The following SEMA3A variants were observed in gnomAD, a reference collection of about 807,000 sequenced individuals.
SEMA3A encodes semaphorin 3A.
SEMA3A carries 29 observed loss-of-function variants against 97.9 expected under a neutral mutation model. The ratio of observed to expected loss-of-function variants is 0.30; its 90% CI spans 0.22 to 0.40. The LOEUF is 0.40. SEMA3A is among the 10% of genes least tolerant of loss of function. SEMA3A has a pLI of 1.00. For synonymous variants in SEMA3A, 321 were observed against 323.7 expected, an observed-to-expected ratio of 0.99 and a Z score of 0.09; for missense variants, 763 against 951.3, an observed-to-expected ratio of 0.80 and a Z score of 2.60.
intron 1 of SEMA3A, among the ~76,000 whole-genome samples, chr7:84,423,938 A>G (rs188439853): frequency 1.3e-3 from 198 of 152,156 alleles, no homozygotes; most frequent in African/African-American, 4.4e-3. Flanking sequence ...TAAAACCACA[A>G]TGAGATAACA....
chr7:83,971,969 C>A (rs927485733), intron 15 of SEMA3A, among the ~76,000 whole-genome samples: 12 of 151,534 alleles, frequency 7.9e-5, no homozygotes, highest in Admixed American at 1.3e-4. Context: ...AAGATGTGAA[C>A]TTAAAATTGG....
At chr7:84,253,237 T>A (rs899427742) in intron 3 of SEMA3A, among the ~76,000 whole-genome samples, 19 of 152,162 alleles carry the variant, frequency 1.2e-4, no homozygotes, top group Admixed American at 4.6e-4. Flanking sequence ...TGTAACTTTT[T>A]TATAACATTA....
intron 1 of SEMA3A, among the ~76,000 whole-genome samples, chr7:84,491,582 C>T (rs1276308386): frequency 6.6e-6 from 1 of 152,100 alleles, no homozygotes; most frequent in Non-Finnish European, 1.5e-5. Flanking sequence ...AAGTCCACCA[C>T]AGTTAGCCTG....
In SEMA3A at chr7:84,007,475, C is replaced by A. The variant is rs767607018; in HGVS notation, c.1018G>T (p.Val340Leu). 1 of 1,579,508 alleles carries A rather than the reference C, an allele frequency of 6.3e-7. No individual in the cohort carries two copies. Among genetic ancestry groups the A allele is most frequent in the Admixed American group, 1.8e-5 (1 of 55,650 alleles). Residue 340 changes from valine to leucine, a missense_variant, in exon 10 of 17, where the codon GTG (valine) becomes TTG (leucine). Physicochemically the swap from Val to Leu is conservative, Grantham distance 32 (BLOSUM62 1). This residue lies in a region of SEMA3A where 678 missense variants were observed against 881.3 expected (regional missense o/e 0.77). Coordinates refer to ENST00000265362, the MANE Select transcript of SEMA3A (RefSeq NM_006080.3). ...ACATCACTCATGCTATACATACACA[C>A]GGCTGATCCCTTGAAAATGTTACTG... ...TSSNIFKGSA[V>L]CMYSMSDVRR...
intron 4 of SEMA3A, among the ~76,000 whole-genome samples, chr7:84,082,853 T>C (rs781204018): frequency 1.3e-5 from 2 of 152,016 alleles, no homozygotes; most frequent in Non-Finnish European, 2.9e-5. Context: ...AGCCATCATA[T>C]ACACCTAAAA....
At chr7:84,450,127 T>A (rs1226153492) in intron 1 of SEMA3A, among the ~76,000 whole-genome samples, 1 of 152,076 alleles carries the variant, frequency 6.6e-6, no homozygotes, top group Admixed American at 6.5e-5. Context: ...CATAAGGTAG[T>A]TTTATATTTA....
intron 3 of SEMA3A, among the ~76,000 whole-genome samples, chr7:84,230,302 T>G (rs1799090099): frequency 1.3e-5 from 2 of 152,006 alleles, no homozygotes; most frequent in Admixed American, 1.3e-4. Flanking sequence ...ATATTTTACC[T>G]CATTATCATG....
chr7:84,055,663 T>C (rs1167813583), intron 5 of SEMA3A, among the ~76,000 whole-genome samples: 1 of 152,232 alleles, frequency 6.6e-6, no homozygotes, highest in Non-Finnish European at 1.5e-5. Context: ...ATCACCCGTC[T>C]TCTGCGTTGC....
At chr7:84,116,913 G>T (rs1316602916) in intron 3 of SEMA3A, among the ~76,000 whole-genome samples, 1 of 152,140 alleles carries the variant, frequency 6.6e-6, no homozygotes, top group Non-Finnish European at 1.5e-5. Flanking sequence ...TAAAAAGAAA[G>T]TGGGTAATTG....
chr7:84,409,685 T>A (rs1804207452), intron 1 of SEMA3A, among the ~76,000 whole-genome samples: 1 of 152,128 alleles, frequency 6.6e-6, no homozygotes, highest in Non-Finnish European at 1.5e-5. Context: ...TGTGTTTGAT[T>A]TAGTAGTTCC....
chr7:84,134,733 A>T (rs1399499450), intron 2 of SEMA3A, 61 bp downstream of exon 2: 1 of 1,250,522 alleles, frequency 8.0e-7, no homozygotes, highest in East Asian at 2.6e-5. Flanking sequence ...ATAGCTAGAG[A>T]ATTATCTATA....
intron 13 of SEMA3A, among the ~76,000 whole-genome samples, chr7:83,984,026 C>T (rs892647095): frequency 1.3e-5 from 2 of 152,096 alleles, no homozygotes; most frequent in Admixed American, 1.3e-4. Context: ...TTTCTTCTCT[C>T]ATGGTATTTT....
intron 4 of SEMA3A, among the ~76,000 whole-genome samples, chr7:84,065,858 G>C (rs893247323): frequency 0.012 from 1,894 of 151,782 alleles, 43 homozygotes; most frequent in African/African-American, 0.042. Flanking sequence ...GGAACTGGTA[G>C]CATTCCTTCT....
chr7:84,289,312 G>A (rs1487229136), intron 3 of SEMA3A, among the ~76,000 whole-genome samples: 1 of 152,064 alleles, frequency 6.6e-6, no homozygotes, highest in Non-Finnish European at 1.5e-5. Flanking sequence ...ACAGCACGGT[G>A]ACCACAGTTA....
chr7:84,014,790 A>G (rs1356893332), intron 6 of SEMA3A, among the ~76,000 whole-genome samples: 1 of 152,118 alleles, frequency 6.6e-6, no homozygotes, highest in African/African-American at 2.4e-5. Flanking sequence ...GAAAAGTGAA[A>G]TCCGTATAAA....
At chr7:84,309,916 A>G (rs975194241) in intron 2 of SEMA3A, among the ~76,000 whole-genome samples, 2 of 152,212 alleles carry the variant, frequency 1.3e-5, no homozygotes, top group Non-Finnish European at 2.9e-5. Context: ...ATGAAGATGT[A>G]AAATAAAATA....
intron 6 of SEMA3A, among the ~76,000 whole-genome samples, chr7:84,030,473 G>A (rs891651461): frequency 6.6e-6 from 1 of 151,888 alleles, no homozygotes; most frequent in African/African-American, 2.4e-5. Context: ...TGCTTCAGCA[G>A]GAGCTAAAAA....
In SEMA3A at chr7:83,960,508, C is replaced by A. The variant is rs1404222596; in HGVS notation, c.*863G>T. On this transcript the variant is annotated 3_prime_UTR_variant, in exon 17 of 17. Transcript: ENST00000265362. Reference sequence around the variant, plus strand: ...AGAGAAATAAAGCATAATTTATATCCTGGTTTTAGAGATTCACTCTTAATG... The same window carrying A: ...AGAGAAATAAAGCATAATTTATATCATGGTTTTAGAGATTCACTCTTAATG... The A allele has an allele frequency of 6.6e-6, 1 of 152,312 alleles. No individual in the cohort carries two copies. Among genetic ancestry groups the A allele is most frequent in the Non-Finnish European group, 1.5e-5 (1 of 67,934 alleles). The allele number at this position is 152,312 out of a possible 1,614,324, so 9.4% of individuals were successfully genotyped here. A position where few individuals can be genotyped will look rare whatever the true frequency, so the allele number is the denominator to read the frequency against.
chr7:84,095,499 TG>T (rs1458844097), intron 4 of SEMA3A, among the ~76,000 whole-genome samples: 1 of 150,852 alleles, frequency 6.6e-6, no homozygotes, highest in Non-Finnish European at 1.5e-5. Flanking sequence ...TTTATCTCTT[TG>T]GACTAGTAAG....
Sources: allele counts gnomAD v4.1 joint callset (sites outside exome capture counted in the v4.1 genomes callset), GRCh38; gene constraint gnomAD v4.1.1; regional missense constraint gnomAD v4.1.1; transcripts MANE v1.5; gene names NCBI Gene and HGNC (gene_info 2026-07-23, HGNC 2026-07-21).